FAR2: variants seen among roughly 807,000 people sequenced by gnomAD.
FAR2 encodes the protein epididymis secretory protein Li 81.
FAR2 carries 19 observed loss-of-function variants against 56.0 expected under a neutral mutation model. The ratio of observed to expected loss-of-function variants is 0.34; its 90% confidence interval spans 0.24 to 0.50. The LOEUF (loss-of-function observed/expected upper bound fraction) is 0.50, where lower values mean the gene tolerates loss of function less well. FAR2 is among the 20% of genes least tolerant of loss of function. FAR2 has a pLI of 0.98. For missense variants in FAR2, 508 were observed against 642.2 expected (o/e 0.79, Z 2.26); for synonymous variants, 219 against 218.8 (o/e 1.00, Z -0.01).
chr12:29,156,139 A>C (rs1949725184), intron 1 of FAR2, among the ~76,000 whole-genome samples: 1 of 152,118 alleles, frequency 6.6e-6, no homozygotes, highest in Admixed American at 6.6e-5. Context: ...AAAGGGTTCA[A>C]ATTTTCAGTT....
chr12:29,179,294 G>A (rs2136595522), intron 1 of FAR2, among the ~76,000 whole-genome samples: 1 of 152,314 alleles, frequency 6.6e-6, no homozygotes, highest in African/African-American at 2.4e-5. Flanking sequence ...GAAAGTTGCT[G>A]ATATACATCA....
At chr12:29,261,560 G>C (rs1245334362) in intron 1 of FAR2, among the ~76,000 whole-genome samples, 1 of 152,138 alleles carries the variant, frequency 6.6e-6, no homozygotes, top group Admixed American at 6.5e-5. Flanking sequence ...CAATATCCAA[G>C]TATAAGGAGG....
intron 1 of FAR2, among the ~76,000 whole-genome samples, chr12:29,268,069 T>C (rs1012810557): frequency 1.3e-5 from 2 of 152,198 alleles, no homozygotes; most frequent in Admixed American, 1.3e-4. Context: ...TCTAAGAACA[T>C]GGACTCAAGA....
At chr12:29,177,764 G>A (rs544218153) in intron 1 of FAR2, among the ~76,000 whole-genome samples, 3 of 151,994 alleles carry the variant, frequency 2.0e-5, no homozygotes, top group South Asian at 4.2e-4. Context: ...TCACAGATGC[G>A]TTCCAAGATT....
intron 10 of FAR2, among the ~76,000 whole-genome samples, chr12:29,325,360 G>A (rs1396780492): frequency 6.6e-6 from 1 of 152,072 alleles, no homozygotes; most frequent in Non-Finnish European, 1.5e-5. Context: ...AAGTTAACAA[G>A]GATATCCAGG....
intron 1 of FAR2, among the ~76,000 whole-genome samples, chr12:29,203,999 C>CAAAAAAAAA (rs34399942): frequency 1.1e-3 from 77 of 68,088 alleles, no homozygotes; most frequent in Non-Finnish European, 1.5e-3. Context: ...GATTCCATCT[C>CAAAAAAAAA]AAAAAAAAAA....
intron 1 of FAR2, among the ~76,000 whole-genome samples, chr12:29,205,709 AT>A (rs2136622134): frequency 6.6e-6 from 1 of 152,338 alleles, no homozygotes; most frequent in African/African-American, 2.4e-5. Flanking sequence ...AGCATCCTTG[AT>A]GTCTGAAAGG....
At chr12:29,236,694 A>G (rs984964158) in intron 1 of FAR2, among the ~76,000 whole-genome samples, 2 of 152,024 alleles carry the variant, frequency 1.3e-5, no homozygotes, top group African/African-American at 4.8e-5. Flanking sequence ...TGTGGGGATT[A>G]TAGGTCCCTC....
Position 29,158,897 on chromosome 12 carries a change from C to G in FAR2, c.-39+9490C>G, listed in dbSNP as rs369386561. Among the ~76,000 whole-genome samples the G allele has an allele frequency of 7.9e-5, 12 of 152,316 alleles. No individual in the cohort carries two copies. The East Asian group carries it at 2.1e-3, about 27-fold the overall frequency. The stretch of plus-strand genomic sequence containing the variant: ...CATCTAGTTAGTGGGTGCATCAAGG[C>G]TAGTATCCACATCTTATGACTGCAA... On this transcript the variant is annotated intron_variant, in intron 1 of 11. Transcript: ENST00000536681.
At chr12:29,305,736 G>A (rs746930820) in intron 4 of FAR2, among the ~76,000 whole-genome samples, 1 of 152,160 alleles carries the variant, frequency 6.6e-6, no homozygotes, top group Non-Finnish European at 1.5e-5. Flanking sequence ...AGATAAAACA[G>A]TGGAATACAG....
chr12:29,256,376 C>A (rs779287691), intron 1 of FAR2, among the ~76,000 whole-genome samples: 1 of 152,064 alleles, frequency 6.6e-6, no homozygotes, highest in Non-Finnish European at 1.5e-5. Flanking sequence ...TTAGTAGAGA[C>A]GGGGTCTCAC....
chr12:29,285,748 G>A (rs1300619237), intron 2 of FAR2, among the ~76,000 whole-genome samples: 1 of 151,872 alleles, frequency 6.6e-6, no homozygotes, highest in Non-Finnish European at 1.5e-5. Context: ...ATGAAACCCC[G>A]TCTCTACTAA....
intron 1 of FAR2, among the ~76,000 whole-genome samples, chr12:29,247,541 G>C (rs1199941887): frequency 1.3e-5 from 2 of 152,018 alleles, no homozygotes; most frequent in Non-Finnish European, 2.9e-5. Flanking sequence ...TTTAAGCAAG[G>C]CCTTGTTAAA....
chr12:29,227,970 G>A (rs996528917), intron 1 of FAR2, among the ~76,000 whole-genome samples: 1 of 151,956 alleles, frequency 6.6e-6, no homozygotes, highest in Admixed American at 6.6e-5. Flanking sequence ...ATCACACACT[G>A]GGGCCTATCG....
intron 1 of FAR2, among the ~76,000 whole-genome samples, chr12:29,168,970 G>A (rs1182839026): frequency 1.3e-5 from 2 of 152,314 alleles, no homozygotes; most frequent in African/African-American, 4.8e-5. Flanking sequence ...ACAGAGTGCT[G>A]ATTGATGTGT....
intron 1 of FAR2, among the ~76,000 whole-genome samples, chr12:29,229,579 T>C (rs1177284759): frequency 6.6e-6 from 1 of 152,180 alleles, no homozygotes; most frequent in Non-Finnish European, 1.5e-5. Context: ...TCACTCCATT[T>C]TTTCATTTAC....
chr12:29,216,827 T>C (rs1447486798), intron 1 of FAR2, among the ~76,000 whole-genome samples: 1 of 152,190 alleles, frequency 6.6e-6, no homozygotes, highest in Non-Finnish European at 1.5e-5. Flanking sequence ...TATTAAACTT[T>C]TCATATCACG....
chr12:29,253,130 C>T lies in FAR2; in HGVS notation c.-38-17282C>T, dbSNP rs373274935. ...AGATTTTAAACTTGCCAAGCCTCCA[C>T]AACTGTGTGAGACGACTTCTTAAAG... On this transcript the variant is annotated intron_variant, in intron 1 of 11. Transcript: ENST00000536681. 1.7e-4 allele frequency among the ~76,000 whole-genome samples: 26 copies of T among 152,140 alleles called. No homozygotes were observed. In the East Asian group the frequency reaches 2.7e-3, roughly 16 times the overall value.
At chr12:29,298,477 A>C (rs1949107941) in intron 4 of FAR2, among the ~76,000 whole-genome samples, 1 of 152,154 alleles carries the variant, frequency 6.6e-6, no homozygotes, top group Non-Finnish European at 1.5e-5. Flanking sequence ...TATCTCCTCC[A>C]GCTCTGAGAA....
Sources: gnomAD v4.1 joint callset for allele counts (sites outside exome capture counted in the v4.1 genomes callset) on GRCh38, gnomAD v4.1.1 for gene constraint, MANE v1.5 for transcripts, NCBI Gene and HGNC (gene_info 2026-07-23, HGNC 2026-07-21) for gene names.